TMX4: variants seen among roughly 807,000 people sequenced by gnomAD.
TMX4 encodes the protein thioredoxin-related transmembrane protein 4.
A neutral mutation model predicts 33.3 loss-of-function variants in TMX4; 23 were observed. The observed-to-expected ratio is 0.69, with a 90% CI of 0.50 to 0.98. TMX4 has a LOEUF of 0.98. Ranked by LOEUF, TMX4 falls within the 50% of genes least tolerant of loss-of-function variation. TMX4 has a pLI of 0.00. For synonymous variants in TMX4, 164 were observed against 161.5 expected (o/e 1.02, Z -0.12); for missense variants, 399 against 448.9 (o/e 0.89, Z 1.01).
rs1259279828 is a variant in TMX4, at chr20:7,977,854, T to C, written c.*4397A>G. On this transcript the variant is annotated 3_prime_UTR_variant, in exon 8 of 8. Transcript: ENST00000246024. Reference sequence around the variant, plus strand: ...CACATATACAGTGTCACAGTCTACATAAAGCTTTACTGAGAATAAGCCATC... The same window carrying C: ...CACATATACAGTGTCACAGTCTACACAAAGCTTTACTGAGAATAAGCCATC... 6.6e-6 allele frequency: 1 copy of C among 152,204 alleles called. No homozygotes were observed. Among genetic ancestry groups the C allele is most frequent in the South Asian group, 2.1e-4 (1 of 4,836 alleles). The allele number at this position is 152,204 out of a possible 1,614,324, so 9.4% of individuals were successfully genotyped here.
intron 5 of TMX4, among the ~76,000 whole-genome samples, chr20:7,988,416 T>C (rs1423221865): frequency 1.3e-5 from 2 of 152,224 alleles, no homozygotes; most frequent in Non-Finnish European, 2.9e-5. Context: ...AAAAAACATA[T>C]TTTATTCTGG....
intron 3 of TMX4, among the ~76,000 whole-genome samples, chr20:8,000,564 C>T (rs1283528417): frequency 6.6e-6 from 1 of 152,168 alleles, no homozygotes; most frequent in African/African-American, 2.4e-5. Flanking sequence ...GCTCTCTGGA[C>T]TTCTTCCTAC....
intron 1 of TMX4, 63 bp from the exon 2 acceptor site, chr20:8,010,378 A>T: frequency 9.8e-7 from 1 of 1,023,420 alleles, no homozygotes; most frequent in Non-Finnish European, 1.4e-6. Flanking sequence ...AAACAGAGAA[A>T]TCGAGTATTT....
intron 2 of TMX4, among the ~76,000 whole-genome samples, chr20:8,001,813 C>T (rs1045710582): frequency 6.6e-6 from 1 of 152,082 alleles, no homozygotes; most frequent in African/African-American, 2.4e-5. Flanking sequence ...AGTTAAATAC[C>T]GACTTACCCA....
At chr20:8,013,264 C>T (rs1439564652) in intron 1 of TMX4, among the ~76,000 whole-genome samples, 1 of 152,114 alleles carries the variant, frequency 6.6e-6, no homozygotes, top group Middle Eastern at 3.2e-3. Flanking sequence ...CTCCTAAGAA[C>T]TATAAAAGAT....
chr20:8,019,322 C>T, intron 1 of TMX4, 116 bp downstream of exon 1: 2 of 1,244,222 alleles, frequency 1.6e-6, no homozygotes, highest in Non-Finnish European at 2.1e-6. Context: ...CAAGCCTGGT[C>T]CGGGGTTTTA....
At chr20:7,987,053 C>G (rs552715231) in intron 6 of TMX4, among the ~76,000 whole-genome samples, 10 of 148,680 alleles carry the variant, frequency 6.7e-5, no homozygotes, top group Non-Finnish European at 1.2e-4. Flanking sequence ...TGTCTATAGG[C>G]AGTACACATC....
At chr20:7,992,638 G>A (rs868394888) in intron 5 of TMX4, among the ~76,000 whole-genome samples, 1 of 152,138 alleles carries the variant, frequency 6.6e-6, no homozygotes, top group South Asian at 2.1e-4. Flanking sequence ...ACCAACTCCT[G>A]AGTTGATAGG....
chr20:7,984,985 C>A (rs1033060576), intron 6 of TMX4, among the ~76,000 whole-genome samples: 7 of 152,090 alleles, frequency 4.6e-5, no homozygotes, highest in Non-Finnish European at 8.8e-5. Flanking sequence ...CGTAAATATT[C>A]TCTATGTGGC....
In TMX4 at chr20:8,019,754, C is replaced by G; in HGVS notation, c.-141G>C. ...GCCTACGCCTAGCGGCGCAGACTGG[C>G]GGTGCTCGCAATGCCGCGGAGGACG... On this transcript the variant is annotated 5_prime_UTR_variant, in exon 1 of 8. Transcript: ENST00000246024. The G allele has an allele frequency of 2.8e-6, 2 of 706,610 alleles. No individual in the cohort carries two copies. The highest frequency in any genetic ancestry group is 4.0e-6 in the Non-Finnish European group (2 of 504,364). The allele number at this position is 706,610 out of a possible 1,614,324, so 43.8% of individuals were successfully genotyped here.
At position 7,979,954 on chromosome 20, in the gene TMX4, A is replaced by G. The variant is rs2050598100; in HGVS notation, c.*2297T>C. ...ACCTTATACAACATAGCTTGAAGGT[A>G]ATTTTATCCAATATTTTTAATAATC... On this transcript the variant is annotated 3_prime_UTR_variant, in exon 8 of 8. Transcript: ENST00000246024. The G allele has an allele frequency of 6.6e-6, 1 of 152,128 alleles. No individual in the cohort carries two copies. The highest frequency in any genetic ancestry group is 6.5e-5 in the Admixed American group (1 of 15,276). 9.4% of individuals were successfully genotyped at this position (152,128 alleles called of 1,614,324 possible). A position where few individuals can be genotyped will look rare whatever the true frequency, so the allele number is the denominator to read the frequency against.
At chr20:8,019,137 AG>A (rs1472906948) in intron 1 of TMX4, 8 of 484,754 alleles carry the variant, frequency 1.7e-5, no homozygotes, top group Non-Finnish European at 2.7e-5. Flanking sequence ...CCCCAAAGCA[AG>A]GGGACGCGCT....
intron 5 of TMX4, among the ~76,000 whole-genome samples, chr20:7,993,814 A>T (rs2122860746): frequency 6.6e-6 from 1 of 151,764 alleles, no homozygotes; most frequent in East Asian, 1.9e-4. Flanking sequence ...GATCAAAATA[A>T]CACTGTATCA....
chr20:7,998,194 A>C (rs1375635354), intron 4 of TMX4, among the ~76,000 whole-genome samples: 1 of 152,166 alleles, frequency 6.6e-6, no homozygotes, highest in Non-Finnish European at 1.5e-5. Context: ...TAGCAATGCA[A>C]GAATGGACTA....
intron 6 of TMX4, 69 bp from the exon 7 acceptor site, chr20:7,983,926 G>T (rs2050619974): frequency 1.7e-6 from 2 of 1,189,578 alleles, no homozygotes; most frequent in South Asian, 2.5e-5. Flanking sequence ...TCAAAATTAG[G>T]CCTTGCTTCT....
At chr20:8,006,456 C>T (rs558145884) in intron 2 of TMX4, among the ~76,000 whole-genome samples, 4 of 152,202 alleles carry the variant, frequency 2.6e-5, no homozygotes, top group Admixed American at 1.3e-4. Context: ...AATACACTAA[C>T]GAAGATCTGC....
Position 7,982,329 on chromosome 20 carries a change from T to C in TMX4, c.972A>G (p.Gln324=), listed in dbSNP as rs1443730273. 2.5e-6 allele frequency: 4 copies of C among 1,614,094 alleles called. No individual in the cohort carries two copies. Among genetic ancestry groups the C allele is most frequent in the African/African-American group, 1.3e-5 (1 of 75,032 alleles). Residue 324 remains glutamine (Q), a synonymous_variant, in exon 8 of 8, where the codon CAA becomes CAG. Transcript: ENST00000246024. Reference sequence around the variant, plus strand: ...CCACCTCTGTGTCAGCTGGGCAGGGTTGCTCAGAGATGCCTTCTTCAGCCT... The same window carrying C: ...CCACCTCTGTGTCAGCTGGGCAGGGCTGCTCAGAGATGCCTTCTTCAGCCT... ...PEEAEEGISE[Q]PCPADTEVVE... is the part of the protein sequence containing the mutation.
intron 5 of TMX4, among the ~76,000 whole-genome samples, chr20:7,993,748 G>A (rs961536141): frequency 2.6e-5 from 4 of 151,842 alleles, no homozygotes; most frequent in Admixed American, 2.0e-4. Flanking sequence ...GATATGGAGG[G>A]CAGTATCAGA....
chr20:8,018,507 AGAGAGAGAGAGAGAGAGAGAG>A, intron 1 of TMX4, among the ~76,000 whole-genome samples: 1 of 51,302 alleles, frequency 1.9e-5, no homozygotes, highest in African/African-American at 2.3e-4. Context: ...AGAGAGAGAG[AGAGAGAGAGAGAGAGAGAGAG>A]TCTGCAAGCC....
Sources: allele counts gnomAD v4.1 joint callset (sites outside exome capture counted in the v4.1 genomes callset), GRCh38; gene constraint gnomAD v4.1.1; transcripts MANE v1.5; gene names NCBI Gene and HGNC (gene_info 2026-07-23, HGNC 2026-07-21).